The following ACSBG1 variants were observed in gnomAD, a reference collection of about 807,000 sequenced individuals.
ACSBG1 encodes the protein long-chain-fatty-acid--CoA ligase ACSBG1.
ACSBG1 carries 39 observed loss-of-function variants against 80.2 expected under a neutral mutation model. The observed-to-expected ratio is 0.49, with a 90% confidence interval of 0.38 to 0.64. The LOEUF is 0.64. Ranked by LOEUF, ACSBG1 falls within the 30% of genes least tolerant of loss-of-function variation. The probability of loss-of-function intolerance (pLI) is 0.00; values close to 1 mark genes in which losing one functional copy is unlikely to be tolerated. For missense variants in ACSBG1, 828 were observed against 966.4 expected (o/e 0.86, Z 1.90); for synonymous variants, 392 against 379.5 (o/e 1.03, Z -0.38).
At chr15:78,234,125 C>A (rs1595911118) in intron 1 of ACSBG1, among the ~76,000 whole-genome samples, 1 of 152,252 alleles carries the variant, frequency 6.6e-6, no homozygotes, top group East Asian at 1.9e-4. Context: ...TGGTCTCCAA[C>A]TGCAGCCCCA....
Position 78,168,093 on chromosome 15 carries a change from T to G in ACSBG1, c.*3351A>C, listed in dbSNP as rs2074769716. 1 of 151,918 alleles carries G rather than the reference T, an allele frequency of 6.6e-6. No individual in the cohort carries two copies. The highest frequency in any genetic ancestry group is 2.1e-4 in the South Asian group (1 of 4,822). The allele number at this position is 151,918 out of a possible 1,614,324, so 9.4% of individuals were successfully genotyped here. A position where few individuals can be genotyped will look rare whatever the true frequency, so the allele number is the denominator to read the frequency against. On this transcript the variant is annotated 3_prime_UTR_variant, in exon 14 of 14. Coordinates refer to ENST00000258873, the MANE Select transcript of ACSBG1 (RefSeq NM_015162.5). Reference sequence around the variant, plus strand: ...AGGATAAGCTGGTAGAACAGATCAGTTGTATGGGAGGCTTTCTTTCCTAAA... The same window carrying G: ...AGGATAAGCTGGTAGAACAGATCAGGTGTATGGGAGGCTTTCTTTCCTAAA...
intron 1 of ACSBG1, among the ~76,000 whole-genome samples, chr15:78,217,474 G>C (rs2075321611): frequency 6.6e-6 from 1 of 152,172 alleles, no homozygotes; most frequent in Non-Finnish European, 1.5e-5. Context: ...GAGCAGGATA[G>C]GGACAAAGAA....
At chr15:78,217,668 G>T (rs1165210993) in intron 1 of ACSBG1, among the ~76,000 whole-genome samples, 1 of 151,736 alleles carries the variant, frequency 6.6e-6, no homozygotes, top group Non-Finnish European at 1.5e-5. Context: ...CTGGGTTCAA[G>T]CGATTCTCCT....
At position 78,174,428 on chromosome 15, in the gene ACSBG1, A is replaced by G. The variant is rs760161413; in HGVS notation, c.1799T>C (p.Ile600Thr). 8.0e-5 allele frequency: 129 copies of G among 1,614,076 alleles called. No homozygotes were observed. Among genetic ancestry groups the G allele is most frequent in the Non-Finnish European group, 9.1e-5 (107 of 1,180,046 alleles). The change falls in exon 12 of 14, where the codon ATT becomes ACT. Residue 600 changes from isoleucine to threonine, a missense_variant. Physicochemically the swap from Ile to Thr is moderately conservative, Grantham distance 89. This residue lies in a region of ACSBG1 where 201 missense variants were observed against 227.0 expected (regional missense o/e 0.89). Transcript: ENST00000258873. ...ELPIISNAMLIGDQRKFLSML... is the reference protein window; with the variant it reads ...ELPIISNAMLTGDQRKFLSML... ...GGACAGGAACTTCCTCTGGTCCCCA[A>G]TGAGCATGGCGTTGCTGATGATGGG...
chr15:78,208,965 G>A (rs990645567), intron 1 of ACSBG1, among the ~76,000 whole-genome samples: 1 of 152,238 alleles, frequency 6.6e-6, no homozygotes, highest in African/African-American at 2.4e-5. Flanking sequence ...GAACTCCAGA[G>A]ACACATTTCA....
intron 8 of ACSBG1, 70 bp downstream of exon 8, chr15:78,181,899 G>T: frequency 6.5e-7 from 1 of 1,547,072 alleles, no homozygotes; most frequent in Non-Finnish European, 8.8e-7. Context: ...ATGCACTCAG[G>T]GCCCACAGAC....
chr15:78,233,691 TGTGTGC>T (rs1380579822), intron 1 of ACSBG1, among the ~76,000 whole-genome samples: 1 of 152,146 alleles, frequency 6.6e-6, no homozygotes, highest in East Asian at 1.9e-4. Context: ...GAGTTCCGTG[TGTGTGC>T]GTGTGCGCGT....
rs542368618 is a variant in ACSBG1 at position 78,198,432 on chromosome 15, T to G, written c.233-3706A>C. 3.8e-4 allele frequency among the ~76,000 whole-genome samples: 58 copies of G among 152,002 alleles called. 1 individual carries two copies. Among genetic ancestry groups the G allele is most frequent in the Admixed American group, 1.2e-3 (18 of 15,276 alleles). On this transcript the variant is annotated intron_variant, in intron 2 of 13. Transcript: ENST00000258873. ...CACGATCTTGGCTCACTGCAACCTCTGCCTCCTGGGTTCAAGTGATTCTCC... is the reference window on the plus strand; with the variant it reads ...CACGATCTTGGCTCACTGCAACCTCGGCCTCCTGGGTTCAAGTGATTCTCC...
chr15:78,223,927 G>C (rs73463160), intron 1 of ACSBG1, among the ~76,000 whole-genome samples: 4,677 of 152,192 alleles, frequency 0.031, 246 homozygotes, highest in African/African-American at 0.11. Context: ...GCAACTACAA[G>C]ACAAGGGTGG....
chr15:78,171,572 A>T lies in ACSBG1; in HGVS notation c.2090-43T>A, dbSNP rs1297041027. 3 of 1,506,916 alleles carry T rather than the reference A, an allele frequency of 2.0e-6. 1 individual carries two copies. Among genetic ancestry groups the T allele is most frequent in the Non-Finnish European group, 2.8e-6 (3 of 1,083,088 alleles). The allele number at this position is 1,506,916 out of a possible 1,614,324, so 93.3% of individuals were successfully genotyped here. Reference sequence around the variant, plus strand: ...AGAAATGAGTGAGGCCCAGGCTCTGAGAACTCTGAGAATGTGTGTGGTAAA... The same window carrying T: ...AGAAATGAGTGAGGCCCAGGCTCTGTGAACTCTGAGAATGTGTGTGGTAAA... On this transcript the variant is annotated intron_variant, in intron 13 of 13. Transcript: ENST00000258873.
chr15:78,173,924 G>C, intron 12 of ACSBG1, 85 bp from the exon 13 acceptor site: 2 of 1,491,170 alleles, frequency 1.3e-6, no homozygotes, highest in Non-Finnish European at 1.8e-6. Context: ...ACTGCTGTCG[G>C]CAAGGGTGTG....
At position 78,182,758 on chromosome 15, in the gene ACSBG1, C is replaced by T. The variant is rs143112275; in HGVS notation, c.691G>A (p.Ala231Thr). 10 of 1,614,116 alleles carry T rather than the reference C, an allele frequency of 6.2e-6. No individual in the cohort carries two copies. In the African/African-American group the frequency reaches 1.3e-4, roughly 22 times the overall value. The change falls in exon 6 of 14, where the codon GCA becomes ACA. Residue 231 changes from alanine to threonine, a missense_variant. Around this residue, in one of 3 missense-constraint regions of ACSBG1, gnomAD observed 356 missense variants for 363.5 expected, o/e 0.98. Transcript: ENST00000258873. Reference sequence around the variant, plus strand: ...GGAGGTTCTTTATATATCACGACTGCCTTTAGATGTGGCAACTGTTTCCAG... The same window carrying T: ...GGAGGTTCTTTATATATCACGACTGTCTTTAGATGTGGCAACTGTTTCCAG... Reference protein sequence around the residue: ...KIWKQLPHLKAVVIYKEPPPN... With the variant: ...KIWKQLPHLKTVVIYKEPPPN...
At chr15:78,223,467 G>A (rs1038483242) in intron 1 of ACSBG1, among the ~76,000 whole-genome samples, 16 of 152,208 alleles carry the variant, frequency 1.1e-4, no homozygotes, top group Non-Finnish European at 2.2e-4. Flanking sequence ...ATAGAGACAC[G>A]AAGGGCCCAG....
chr15:78,202,839 G>A (rs2075180940), intron 2 of ACSBG1, among the ~76,000 whole-genome samples: 1 of 152,138 alleles, frequency 6.6e-6, no homozygotes, highest in Non-Finnish European at 1.5e-5. Context: ...GACATGTACA[G>A]CGAGAATGTG....
At chr15:78,214,786 T>C (rs2075294394) in intron 1 of ACSBG1, among the ~76,000 whole-genome samples, 1 of 152,076 alleles carries the variant, frequency 6.6e-6, no homozygotes, top group South Asian at 2.1e-4. Flanking sequence ...GAGGCAGCAA[T>C]TGGGACAGGG....
chr15:78,233,016 C>T lies in ACSBG1; in HGVS notation c.131+1355G>A, dbSNP rs984784551. ...TTTCGATGTGCTCCTCTGAGCATCT[C>T]GCCTGGCCTTCCTGCTCTCTGAGCC... On this transcript the variant is annotated intron_variant, in intron 1 of 13. Coordinates refer to ENST00000258873, the MANE Select transcript of ACSBG1 (RefSeq NM_015162.5). Among the ~76,000 whole-genome samples, 5 of 152,218 alleles carry T rather than the reference C, an allele frequency of 3.3e-5. No homozygotes were observed. The East Asian group carries it at 7.7e-4, about 23-fold the overall frequency.
chr15:78,197,262 G>A (rs775650846), intron 2 of ACSBG1, among the ~76,000 whole-genome samples: 8 of 152,010 alleles, frequency 5.3e-5, no homozygotes, highest in Non-Finnish European at 1.2e-4. Context: ...GAGTGACCGT[G>A]GAATAGGCAC....
intron 10 of ACSBG1, among the ~76,000 whole-genome samples, chr15:78,179,345 C>T (rs2074916736): frequency 6.6e-6 from 1 of 152,198 alleles, no homozygotes; most frequent in Non-Finnish European, 1.5e-5. Context: ...GTGGCAGAGG[C>T]CACTCCTACT....
intron 1 of ACSBG1, among the ~76,000 whole-genome samples, chr15:78,210,852 G>A (rs1012340050): frequency 3.3e-5 from 5 of 152,144 alleles, no homozygotes; most frequent in East Asian, 1.9e-4. Context: ...GGGCTCAAGC[G>A]ATCCTCTAGC....
Sources: gnomAD v4.1 joint callset for allele counts (sites outside exome capture counted in the v4.1 genomes callset) on GRCh38, gnomAD v4.1.1 for gene constraint, gnomAD v4.1.1 regional missense constraint, MANE v1.5 for transcripts, NCBI Gene and HGNC (gene_info 2026-07-23, HGNC 2026-07-21) for gene names.